RBM20: variants seen among roughly 807,000 people sequenced by gnomAD.
The protein encoded by RBM20 is RNA binding motif protein 20, also known as RNA-binding protein 20.
A neutral mutation model predicts 110.1 loss-of-function variants in RBM20; 51 were observed. That is an observed-to-expected ratio of 0.46 (90% confidence interval 0.37 to 0.59). The LOEUF is 0.59. RBM20 is among the 20% of genes least tolerant of loss of function. The pLI, the probability that RBM20 is intolerant of heterozygous loss-of-function variation, is 0.00. For synonymous variants in RBM20, 589 were observed against 618.2 expected (o/e 0.95, Z 0.70); for missense variants, 1,512 against 1,574.9 (o/e 0.96, Z 0.68).
intron 1 of RBM20, among the ~76,000 whole-genome samples, chr10:110,726,146 G>A (rs1271318654): frequency 6.6e-6 from 1 of 152,192 alleles, no homozygotes; most frequent in Admixed American, 6.5e-5. Context: ...AGGAGGCATT[G>A]CATCACTGCT....
intron 1 of RBM20, among the ~76,000 whole-genome samples, chr10:110,775,608 C>A (rs1330599898): frequency 2.0e-5 from 3 of 152,134 alleles, no homozygotes; most frequent in African/African-American, 7.2e-5. Context: ...CAGCAGTTGC[C>A]CACTCCTTAT....
intron 13 of RBM20, among the ~76,000 whole-genome samples, chr10:110,834,732 GCA>G (rs1845100552): frequency 1.3e-5 from 2 of 152,150 alleles, no homozygotes; most frequent in African/African-American, 2.4e-5. Context: ...ACTTCAAAGT[GCA>G]CACACTTAAC....
Position 110,662,000 on chromosome 10 carries a change from G to T in RBM20, c.191+17355G>T, listed in dbSNP as rs188410400. On this transcript the variant is annotated intron_variant, in intron 1 of 13. Transcript: ENST00000369519. ...CACTCCAGCCTGGGTGACAGAGCAAGACTGGTCTCAGGAAAAAAAAAAAAG... is the reference window on the plus strand; with the variant it reads ...CACTCCAGCCTGGGTGACAGAGCAATACTGGTCTCAGGAAAAAAAAAAAAG... 4.9e-3 allele frequency among the ~76,000 whole-genome samples: 717 copies of T among 146,358 alleles called. 8 individuals are homozygous for T. Among genetic ancestry groups the T allele is most frequent in the African/African-American group, 0.017 (670 of 38,936 alleles).
chr10:110,814,107 G>C (rs1478943806), intron 9 of RBM20, among the ~76,000 whole-genome samples: 2 of 144,142 alleles, frequency 1.4e-5, no homozygotes, highest in Non-Finnish European at 3.0e-5. Context: ...ATTCTGACCT[G>C]GGAGTTGGTG....
rs1845175177 is a variant in RBM20 at position 110,839,428 on chromosome 10, GAGAAA to G, written c.*3459_*3463del. The G allele has an allele frequency of 2.0e-5, 3 of 152,256 alleles. No homozygotes were observed. Among genetic ancestry groups the G allele is most frequent in the South Asian group, 2.1e-4 (1 of 4,822 alleles). 9.4% of individuals were successfully genotyped at this position (152,256 alleles called of 1,614,324 possible). The stretch of plus-strand genomic sequence containing the variant: ...CTGCAAAGTGTTTGTTTTTACAAAA[GAGAAA>G]AGAAAAGATTTTTAATAAAGAGAAT... On this transcript the variant is annotated 3_prime_UTR_variant, in exon 14 of 14. Transcript: ENST00000369519.
At chr10:110,826,829 G>T (rs1377728533) in intron 12 of RBM20, among the ~76,000 whole-genome samples, 1 of 152,074 alleles carries the variant, frequency 6.6e-6, no homozygotes, top group Non-Finnish European at 1.5e-5. Context: ...CTGACCTCAG[G>T]TGATCCACCT....
intron 13 of RBM20, among the ~76,000 whole-genome samples, chr10:110,832,731 T>C (rs1383459624): frequency 6.6e-6 from 1 of 152,196 alleles, no homozygotes; most frequent in Non-Finnish European, 1.5e-5. Context: ...AGACCCATAA[T>C]GTCATGGCCT....
chr10:110,664,620 C>T (rs909150014), intron 1 of RBM20, among the ~76,000 whole-genome samples: 2 of 151,738 alleles, frequency 1.3e-5, no homozygotes, highest in African/African-American at 4.8e-5. Flanking sequence ...GGTGGCTAAC[C>T]CCTGTAGTCC....
At chr10:110,760,246 C>T (rs770063282) in intron 1 of RBM20, among the ~76,000 whole-genome samples, 1 of 152,074 alleles carries the variant, frequency 6.6e-6, no homozygotes, top group South Asian at 2.1e-4. Context: ...CAGTGCTTCA[C>T]GAAGATCCCT....
chr10:110,812,092 C>T (rs954696593), intron 8 of RBM20, among the ~76,000 whole-genome samples, 186 bp from the exon 9 acceptor site: 1 of 152,172 alleles, frequency 6.6e-6, no homozygotes, highest in Non-Finnish European at 1.5e-5. Context: ...GTCCTCTGCA[C>T]GGAAGCCAGA....
intron 12 of RBM20, chr10:110,827,934 G>A (rs1845002497): frequency 6.6e-6 from 1 of 152,206 alleles, no homozygotes. Flanking sequence ...GCTCCCAGAT[G>A]GGAGGAAAGG....
At chr10:110,802,181 C>T (rs560649094) in intron 7 of RBM20, among the ~76,000 whole-genome samples, 2 of 152,178 alleles carry the variant, frequency 1.3e-5, no homozygotes, top group South Asian at 4.1e-4. Context: ...TGTCTAAGAC[C>T]CACAGGCCTT....
chr10:110,718,051 C>T (rs1363272797), intron 1 of RBM20, among the ~76,000 whole-genome samples: 3 of 152,212 alleles, frequency 2.0e-5, no homozygotes. Context: ...GAAAAACAGA[C>T]AAGCAGCCTG....
intron 1 of RBM20, among the ~76,000 whole-genome samples, chr10:110,751,878 T>TTTCTGAAAGACTGTTTTTTTTAGAGCAGG (rs1843858382): frequency 6.6e-6 from 1 of 152,168 alleles, no homozygotes. Flanking sequence ...TTTTTTTTTC[T>TTTCTGAAAGACTGTTTTTTTTAGAGCAGG]TTCTGAAAGA....
chr10:110,766,772 G>A (rs1375618555), intron 1 of RBM20, among the ~76,000 whole-genome samples: 2 of 150,516 alleles, frequency 1.3e-5, no homozygotes, highest in African/African-American at 4.9e-5. Context: ...TCTTTTCCCC[G>A]CCTTTCCCCT....
At chr10:110,668,146 A>G (rs1370623872) in intron 1 of RBM20, among the ~76,000 whole-genome samples, 1 of 152,174 alleles carries the variant, frequency 6.6e-6, no homozygotes, top group African/African-American at 2.4e-5. Flanking sequence ...TAGCATATGA[A>G]TGTGAACGTG....
At position 110,740,647 on chromosome 10, in the gene RBM20, T is replaced by G. The variant is rs559002005; in HGVS notation, c.192-40154T>G. The stretch of plus-strand genomic sequence containing the variant: ...TGGGGAAAGCAAGTTTATGGCCACC[T>G]TGATGTTCACTGGAGTGGCCCGAGG... On this transcript the variant is annotated intron_variant, in intron 1 of 13. Coordinates refer to ENST00000369519, the MANE Select transcript of RBM20 (RefSeq NM_001134363.3). Among the ~76,000 whole-genome samples the G allele has an allele frequency of 4.6e-5, 7 of 152,298 alleles. No individual in the cohort carries two copies. The South Asian group carries it at 1.0e-3, about 23-fold the overall frequency.
chr10:110,718,608 C>CTTTTTTTTT (rs61629487), intron 1 of RBM20, among the ~76,000 whole-genome samples: 20 of 101,542 alleles, frequency 2.0e-4, no homozygotes, highest in East Asian at 9.3e-4. Flanking sequence ...CTACTCCATT[C>CTTTTTTTTT]TTTTTTTTTT....
At chr10:110,794,424 G>GT in intron 5 of RBM20, among the ~76,000 whole-genome samples, 1 of 152,198 alleles carries the variant, frequency 6.6e-6, no homozygotes, top group African/African-American at 2.4e-5. Flanking sequence ...CCACACAAAA[G>GT]CAAACTATTA....
Sources: allele counts gnomAD v4.1 joint callset (sites outside exome capture counted in the v4.1 genomes callset), GRCh38; gene constraint gnomAD v4.1.1; transcripts MANE v1.5; gene names NCBI Gene and HGNC (gene_info 2026-07-23, HGNC 2026-07-21).